Variants in ZNF91 observed in about 807,000 individuals in gnomAD.
The protein encoded by ZNF91 is zinc finger protein 91, also known as zinc finger protein 91 (HPF7, HTF10).
ZNF91 carries 7 observed loss-of-function variants against 12.6 expected under a neutral mutation model. The observed-to-expected ratio is 0.55, with a 90% CI of 0.31 to 1.04. The LOEUF (loss-of-function observed/expected upper bound fraction) is 1.04, where lower values mean the gene tolerates loss of function less well. ZNF91 is among the 50% of genes least tolerant of loss of function. ZNF91 has a pLI of 0.05. For synonymous variants in ZNF91, 453 were observed against 462.6 expected (o/e 0.98, Z 0.27); for missense variants, 1,217 against 1,385.4 (o/e 0.88, Z 1.93).
intron 1 of ZNF91, among the ~76,000 whole-genome samples, chr19:23,382,154 T>C (rs746967705): frequency 1.4e-4 from 22 of 152,078 alleles, no homozygotes; most frequent in Non-Finnish European, 2.8e-4. Flanking sequence ...CTAAATGTTA[T>C]AAGAAAAGAG....
At chr19:23,378,053 A>C (rs1395857180) in intron 1 of ZNF91, among the ~76,000 whole-genome samples, 1 of 152,216 alleles carries the variant, frequency 6.6e-6, no homozygotes, top group Non-Finnish European at 1.5e-5. Flanking sequence ...ATGAATTATT[A>C]TGTTTATATT....
intron 1 of ZNF91, among the ~76,000 whole-genome samples, chr19:23,390,477 G>C (rs947528882): frequency 6.6e-6 from 1 of 151,930 alleles, no homozygotes; most frequent in Non-Finnish European, 1.5e-5. Flanking sequence ...GTGGGGGGGC[G>C]GAAAAACCCT....
In ZNF91 at chr19:23,368,510, A is replaced by ATCTCTCTCTC. The variant is rs573590418; in HGVS notation, c.253+5222_253+5231dup. Among the ~76,000 whole-genome samples the ATCTCTCTCTC allele has an allele frequency of 3.6e-4, 34 of 94,326 alleles. 1 individual carries two copies. The highest frequency in any genetic ancestry group is 6.2e-4 in the Non-Finnish European group (31 of 49,950). The allele number at this position is 94,326 out of a possible 152,430, so 61.9% of individuals were successfully genotyped here. A position where few individuals can be genotyped will look rare whatever the true frequency, so the allele number is the denominator to read the frequency against. On this transcript the variant is annotated intron_variant, in intron 3 of 3. Coordinates refer to ENST00000300619, the MANE Select transcript of ZNF91 (RefSeq NM_003430.4). ...AGCCTGGGTGACAGAGCGAAACTCC[A>ATCTCTCTCTC]TCTCTCTCTCTCTCTCTCTCTCTCT...
intron 1 of ZNF91, among the ~76,000 whole-genome samples, chr19:23,323,070 G>GT (rs970551273): frequency 2.0e-4 from 24 of 117,558 alleles, no homozygotes; most frequent in African/African-American, 3.0e-4. Flanking sequence ...TCATCCTCCC[G>GT]TTTTTTTCTT....
intron 3 of ZNF91, among the ~76,000 whole-genome samples, chr19:23,345,999 ACTTGCTCAGGCGCCAC>A (rs1337322607): frequency 7.9e-5 from 12 of 151,542 alleles, no homozygotes; most frequent in Non-Finnish European, 1.5e-4. Flanking sequence ...TCCCATCCAC[ACTTGCTCAGGCGCCAC>A]CTTTAGCCCA....
intron 3 of ZNF91, among the ~76,000 whole-genome samples, chr19:23,371,084 T>C (rs565442636): frequency 2.6e-4 from 40 of 152,270 alleles, no homozygotes; most frequent in African/African-American, 9.6e-4. Context: ...CTGACACCTG[T>C]AATCCCAGCA....
chr19:23,354,685 G>A (rs73565023), downstream of ZNF91, among the ~76,000 whole-genome samples: 120 of 152,114 alleles, frequency 7.9e-4, no homozygotes, highest in African/African-American at 2.7e-3. Context: ...CATACTGTCC[G>A]CTTGCTGATG....
At chr19:23,392,257 G>A (rs900849933) in intron 1 of ZNF91, among the ~76,000 whole-genome samples, 4 of 151,612 alleles carry the variant, frequency 2.6e-5, no homozygotes, top group African/African-American at 4.8e-5. Context: ...TTAGCCGGGC[G>A]TTGTGGCAAG....
intron 1 of ZNF91, among the ~76,000 whole-genome samples, chr19:23,389,416 A>C (rs990271056): frequency 2.6e-5 from 4 of 152,116 alleles, no homozygotes; most frequent in African/African-American, 7.2e-5. Context: ...AAAAAAAAAA[A>C]AACACTAGGA....
intron 2 of ZNF91, among the ~76,000 whole-genome samples, chr19:23,374,406 A>G (rs1969421155): frequency 6.7e-6 from 1 of 150,194 alleles, no homozygotes; most frequent in South Asian, 2.1e-4. Context: ...AAAAAAAAAA[A>G]AAAATTAGCC....
intron 1 of ZNF91, among the ~76,000 whole-genome samples, chr19:23,388,619 C>T (rs569757365): frequency 3.3e-4 from 51 of 152,274 alleles, no homozygotes; most frequent in African/African-American, 1.2e-3. Context: ...CGCCTGTAAT[C>T]CCAGCACTTT....
At position 23,361,660 on chromosome 19, in the gene ZNF91, C is replaced by A; in HGVS notation, c.1319G>T (p.Gly440Val). The A allele has an allele frequency of 6.2e-7, 1 of 1,613,506 alleles. No individual in the cohort carries two copies. Among genetic ancestry groups the A allele is most frequent in the East Asian group, 2.2e-5 (1 of 44,818 alleles). ...GEKPYKCEEC[G>V]KAFNWSSSLT... ...GCTTGAGGACCAGTTAAATGCTTTGCCACATTCTTCACACTTGTAAGGTTT... is the reference window on the plus strand; with the variant it reads ...GCTTGAGGACCAGTTAAATGCTTTGACACATTCTTCACACTTGTAAGGTTT... The change falls in exon 4 of 4, where the codon GGC becomes GTC. Residue 440 changes from glycine (G) to valine (V), a missense_variant. Physicochemically the swap from Gly to Val is moderately radical, Grantham distance 109. Around this residue, in one of 2 missense-constraint regions of ZNF91, gnomAD observed 726 missense variants for 895.5 expected, o/e 0.81. Coordinates refer to ENST00000300619, the MANE Select transcript of ZNF91 (RefSeq NM_003430.4).
Position 23,360,481 on chromosome 19 carries a change from T to C in ZNF91, c.2498A>G (p.Lys833Arg). The change falls in exon 4 of 4, where the codon AAA becomes AGA. Residue 833 changes from lysine (K) to arginine (R), a missense_variant. This residue lies in a region of ZNF91 where 491 missense variants were observed against 489.8 expected (regional missense o/e 1.00). Coordinates refer to ENST00000300619, the MANE Select transcript of ZNF91 (RefSeq NM_003430.4). ...EKPYKCKECG[K>R]AFKHSSALAK... ...AAGGGCTGAGGAGTGCTTAAAAGCT[T>C]TGCCACATTCTTTACATTTGTAGGG... 6.2e-7 allele frequency: 1 copy of C among 1,613,910 alleles called. No individual in the cohort carries two copies. Among genetic ancestry groups the C allele is most frequent in the Non-Finnish European group, 8.5e-7 (1 of 1,179,964 alleles).
At chr19:23,380,196 T>C (rs1434711895) in intron 1 of ZNF91, 1 of 135,920 alleles carries the variant, frequency 7.4e-6, no homozygotes, top group African/African-American at 2.7e-5. Flanking sequence ...AAGGCGGAGG[T>C]TGCAGTGAGC....
At chr19:23,395,287 C>T (rs371597877) in intron 1 of ZNF91, 38 bp downstream of exon 1, 27 of 1,610,290 alleles carry the variant, frequency 1.7e-5, no homozygotes, top group Non-Finnish European at 2.2e-5. Context: ...CAACGAGCCC[C>T]GTTCCCTCTC....
upstream of ZNF91, among the ~76,000 whole-genome samples, chr19:23,314,299 T>C (rs1967516506): frequency 1.3e-5 from 2 of 152,228 alleles, no homozygotes; most frequent in Admixed American, 1.3e-4. Context: ...ACAGGTGACA[T>C]TGTGACACAT....
chr19:23,360,000 G>T lies in ZNF91; in HGVS notation c.2979C>A (p.Pro993=). 1.2e-6 allele frequency: 2 copies of T among 1,612,878 alleles called. No homozygotes were observed. The highest frequency in any genetic ancestry group is 8.5e-7 in the Non-Finnish European group (1 of 1,179,850). ...EHKIIHTGEK[P]YKCEECGKAF... ...CTTTGCCACATTCTTCACATTTGTA[G>T]GGTTTCTCTCCAGTATGAATTATCT... Residue 993 remains proline, a synonymous_variant, in exon 4 of 4, where the codon CCC becomes CCA. Transcript: ENST00000300619.
At chr19:23,378,892 T>C (rs890096235) in intron 1 of ZNF91, among the ~76,000 whole-genome samples, 6 of 152,228 alleles carry the variant, frequency 3.9e-5, no homozygotes, top group Admixed American at 3.9e-4. Context: ...TTTATTTGTT[T>C]GAGTCTCCAG....
intron 1 of ZNF91, among the ~76,000 whole-genome samples, chr19:23,391,855 G>C (rs1970073442): frequency 6.6e-6 from 1 of 151,988 alleles, no homozygotes; most frequent in Non-Finnish European, 1.5e-5. Context: ...GCTCAAGCCT[G>C]CAAAAGGCTT....
Sources: gnomAD v4.1 joint callset for allele counts (sites outside exome capture counted in the v4.1 genomes callset) on GRCh38, gnomAD v4.1.1 for gene constraint, gnomAD v4.1.1 regional missense constraint, MANE v1.5 for transcripts, NCBI Gene and HGNC (gene_info 2026-07-23, HGNC 2026-07-21) for gene names.